RALGAPA1: variants seen among roughly 807,000 people sequenced by gnomAD.
RALGAPA1 encodes the protein Ral GTPase activating protein catalytic subunit alpha 1.
In RALGAPA1, 52 loss-of-function variants were observed where a neutral mutation model predicts 269.6. The ratio of observed to expected loss-of-function variants is 0.19; its 90% CI spans 0.15 to 0.24. The LOEUF (loss-of-function observed/expected upper bound fraction) is 0.24, where lower values mean the gene tolerates loss of function less well. Among genes scored for constraint, RALGAPA1 ranks in the 10% least tolerant of loss-of-function variants. The probability of loss-of-function intolerance (pLI) is 1.00; values close to 1 mark genes in which losing one functional copy is unlikely to be tolerated. For synonymous variants in RALGAPA1, 817 were observed against 1,008.3 expected, an observed-to-expected ratio of 0.81 and a Z score of 3.60; for missense variants, 1,917 against 3,013.9, an observed-to-expected ratio of 0.64 and a Z score of 8.52.
intron 10 of RALGAPA1, among the ~76,000 whole-genome samples, chr14:35,743,588 G>A (rs1409334717): frequency 1.3e-5 from 2 of 152,016 alleles, no homozygotes; most frequent in Non-Finnish European, 2.9e-5. Context: ...GCCTCAAGTG[G>A]TTCTCCTGCC....
At chr14:35,671,619 AG>A in intron 25 of RALGAPA1, 102 bp from the exon 26 acceptor site, 1 of 573,498 alleles carries the variant, frequency 1.7e-6, no homozygotes, top group Non-Finnish European at 3.1e-6. Context: ...ATAATAAAAA[AG>A]GTAATTACTG....
chr14:35,688,683 C>T lies in RALGAPA1; in HGVS notation c.3728G>A (p.Gly1243Glu). The change falls in exon 18 of 42, where the codon GGA (glycine) becomes GAA (glutamate). Residue 1243 changes from glycine (G) to glutamate (E), a missense_variant. Gly to Glu is a moderately conservative substitution (Grantham distance 98). Around this residue, in one of 11 missense-constraint regions of RALGAPA1, gnomAD observed 615 missense variants for 790.0 expected, o/e 0.78. Coordinates refer to ENST00000680220, the MANE Select transcript of RALGAPA1 (RefSeq NM_001346249.2). The stretch of plus-strand genomic sequence containing the variant: ...ACTACCTAATTGACTACTTGCAATT[C>T]CTTCTTTTTGTAATATGGTGGTGGG... ...EIPTTILQKE[G>E]IASSQLGSRS... The T allele has an allele frequency of 1.3e-6, 2 of 1,486,510 alleles. No individual in the cohort carries two copies. Among genetic ancestry groups the T allele is most frequent in the African/African-American group, 1.4e-5 (1 of 71,420 alleles). The allele number at this position is 1,486,510 out of a possible 1,614,324, so 92.1% of individuals were successfully genotyped here. A position where few individuals can be genotyped will look rare whatever the true frequency, so the allele number is the denominator to read the frequency against.
chr14:35,774,305 T>C (rs1319505401), intron 3 of RALGAPA1, among the ~76,000 whole-genome samples: 1 of 152,212 alleles, frequency 6.6e-6, no homozygotes, highest in Non-Finnish European at 1.5e-5. Context: ...TATTCCTGGC[T>C]TTCTACAGGT....
chr14:35,733,017 A>G (rs1165323393), intron 12 of RALGAPA1, among the ~76,000 whole-genome samples: 3 of 152,224 alleles, frequency 2.0e-5, no homozygotes, highest in Non-Finnish European at 4.4e-5. Flanking sequence ...GAGCCTCAAT[A>G]AATTTTAAAA....
chr14:35,683,907 T>G lies in RALGAPA1; in HGVS notation c.4373A>C (p.Glu1458Ala). The G allele has an allele frequency of 1.2e-6, 2 of 1,613,646 alleles. No individual in the cohort carries two copies. The highest frequency in any genetic ancestry group is 1.7e-6 in the Non-Finnish European group (2 of 1,179,690). Residue 1458 changes from glutamate (E) to alanine (A), a missense_variant, in exon 21 of 42, where the codon GAA (glutamate) becomes GCA (alanine). By Grantham distance (107) the Glu-to-Ala change is moderately radical (BLOSUM62 -1). Around this residue, in one of 11 missense-constraint regions of RALGAPA1, gnomAD observed 615 missense variants for 790.0 expected, o/e 0.78. Coordinates refer to ENST00000680220, the MANE Select transcript of RALGAPA1 (RefSeq NM_001346249.2). ...AGTTAGACTAGCCACTTCCTGCTCT[T>G]CAGCACTCTGATGATGGCCAGAACC... ...DSGSGHHQSA[E>A]EQEVASLTTL...
At chr14:35,736,021 G>A (rs1223863726) in intron 12 of RALGAPA1, among the ~76,000 whole-genome samples, 2 of 152,172 alleles carry the variant, frequency 1.3e-5, no homozygotes, top group East Asian at 1.9e-4. Flanking sequence ...ACATTTTACA[G>A]GATCCCTCTG....
intron 26 of RALGAPA1, among the ~76,000 whole-genome samples, chr14:35,668,784 T>C (rs78011245): frequency 0.04 from 6,017 of 152,194 alleles, 342 homozygotes; most frequent in African/African-American, 0.12. Flanking sequence ...CAATCTGTGC[T>C]ACAGAGCAAG....
In RALGAPA1 at chr14:35,780,103, TC is replaced by T. The variant is rs1293601325; in HGVS notation, c.107-4359del. On this transcript the variant is annotated intron_variant, in intron 1 of 41. Transcript: ENST00000680220. The stretch of plus-strand genomic sequence containing the variant: ...GCCTGGGTAACAGAGCTAGACTGTC[TC>T]AAAAAAAAAAAAATTATTGCTAGAG... 6.1e-5 allele frequency among the ~76,000 whole-genome samples: 8 copies of T among 131,496 alleles called. No homozygotes were observed. The South Asian group carries it at 1.5e-3, about 24-fold the overall frequency. The allele number at this position is 131,496 out of a possible 152,430, so 86.3% of individuals were successfully genotyped here.
chr14:35,567,222 A>G (rs1376613073), intron 39 of RALGAPA1, among the ~76,000 whole-genome samples: 1 of 152,072 alleles, frequency 6.6e-6, no homozygotes, highest in African/African-American at 2.4e-5. Context: ...TTAACATCTT[A>G]GCAAGATTGG....
Position 35,686,472 on chromosome 14 carries a change from G to T in RALGAPA1, c.4077+70C>A, listed in dbSNP as rs930082284. The T allele has an allele frequency of 6.6e-6, 8 of 1,209,172 alleles. No individual in the cohort carries two copies. In the Admixed American group the frequency reaches 8.2e-5, roughly 12 times the overall value. The allele number at this position is 1,209,172 out of a possible 1,614,324, so 74.9% of individuals were successfully genotyped here. ...TTCCCATATATAAATTGACATATAT[G>T]TACATAGGTATATATCTGTTAGTTT... is the stretch of plus-strand genomic sequence containing the variant. On this transcript the variant is annotated intron_variant, in intron 19 of 41. Transcript: ENST00000680220.
At chr14:35,690,541 CTT>C (rs2066390435) in intron 17 of RALGAPA1, among the ~76,000 whole-genome samples, 2 of 152,164 alleles carry the variant, frequency 1.3e-5, no homozygotes, top group East Asian at 1.9e-4. Flanking sequence ...CTAAATTTCT[CTT>C]TGTCAGGAAA....
At chr14:35,790,232 G>A (rs996899516) in intron 1 of RALGAPA1, among the ~76,000 whole-genome samples, 9 of 151,964 alleles carry the variant, frequency 5.9e-5, no homozygotes, top group African/African-American at 1.7e-4. Context: ...CAGCCTGGAC[G>A]ACAGAGTGAG....
At chr14:35,721,639 T>A (rs757084413) in intron 16 of RALGAPA1, 49 bp downstream of exon 16, 23 of 1,482,986 alleles carry the variant, frequency 1.6e-5, no homozygotes, top group Non-Finnish European at 2.1e-5. Flanking sequence ...TACCAAGGAC[T>A]ATAAATGTAG....
chr14:35,702,801 G>A (rs1300603222), intron 16 of RALGAPA1, among the ~76,000 whole-genome samples: 5 of 149,108 alleles, frequency 3.4e-5, no homozygotes, highest in South Asian at 4.2e-4. Context: ...GTGCAGTGGC[G>A]CGATCTCGGC....
chr14:35,555,123 C>CA (rs1051143757), intron 39 of RALGAPA1, among the ~76,000 whole-genome samples: 56 of 150,088 alleles, frequency 3.7e-4, no homozygotes, highest in African/African-American at 8.3e-4. Context: ...TCTCTGGAAC[C>CA]AAAAAAAAGT....
In RALGAPA1 at chr14:35,588,765, A is replaced by G. The variant is rs768926289; in HGVS notation, c.7209+6869T>C. On this transcript the variant is annotated intron_variant, in intron 37 of 41. Transcript: ENST00000680220. ...ATCCCCCTACTGGGTATATATCCAGAGAAAATGAAATCAGTATGTCAAAGA... is the reference window on the plus strand; with the variant it reads ...ATCCCCCTACTGGGTATATATCCAGGGAAAATGAAATCAGTATGTCAAAGA... Among the ~76,000 whole-genome samples the G allele has an allele frequency of 2.0e-5, 3 of 152,350 alleles. No homozygotes were observed. In the East Asian group the frequency reaches 5.8e-4, roughly 29 times the overall value.
At chr14:35,729,728 A>G (rs2070294340) in intron 12 of RALGAPA1, among the ~76,000 whole-genome samples, 1 of 152,228 alleles carries the variant, frequency 6.6e-6, no homozygotes, top group Admixed American at 6.5e-5. Flanking sequence ...TGATGCTGAA[A>G]AACAGCCAGA....
At chr14:35,662,937 T>TGG (rs34890691) in intron 27 of RALGAPA1, among the ~76,000 whole-genome samples, 32 of 76,456 alleles carry the variant, frequency 4.2e-4, no homozygotes, top group African/African-American at 1.0e-3. Flanking sequence ...TTTCCTTTTT[T>TGG]GGGGGGGGGG....
Position 35,756,449 on chromosome 14 carries a change from T to C in RALGAPA1, c.663+344A>G, listed in dbSNP as rs1264192631. The C allele has an allele frequency of 3.8e-5, 6 of 156,458 alleles. No homozygotes were observed. The Admixed American group carries it at 3.9e-4, about 10-fold the overall frequency. 9.7% of individuals were successfully genotyped at this position (156,458 alleles called of 1,614,324 possible). On this transcript the variant is annotated intron_variant, in intron 7 of 41. Transcript: ENST00000680220. ...TTTTATTGTGGCAGCCAAGGATGAATAGAGGGATACAGGGAAAAAACACGA... is the reference window on the plus strand; with the variant it reads ...TTTTATTGTGGCAGCCAAGGATGAACAGAGGGATACAGGGAAAAAACACGA...
Sources: gnomAD v4.1 joint callset for allele counts (sites outside exome capture counted in the v4.1 genomes callset) on GRCh38, gnomAD v4.1.1 for gene constraint, gnomAD v4.1.1 regional missense constraint, MANE v1.5 for transcripts, NCBI Gene and HGNC (gene_info 2026-07-23, HGNC 2026-07-21) for gene names.